The following PTPRF variants were observed in gnomAD, a reference collection of about 807,000 sequenced individuals.
PTPRF encodes receptor-type tyrosine-protein phosphatase F.
PTPRF carries 59 observed loss-of-function variants against 201.8 expected under a neutral mutation model. That is an observed-to-expected ratio of 0.29 (90% CI 0.24 to 0.36). PTPRF has a LOEUF of 0.36. Among genes scored for constraint, PTPRF ranks in the 10% least tolerant of loss-of-function variants. PTPRF has a pLI of 1.00. For missense variants in PTPRF, 2,132 were observed against 2,690.5 expected, an observed-to-expected ratio of 0.79 and a Z score of 4.59; for synonymous variants, 1,088 against 1,089.7, an observed-to-expected ratio of 1.00 and a Z score of 0.03.
chr1:43,522,375 G>T (rs533871039), upstream of PTPRF, among the ~76,000 whole-genome samples: 3 of 152,134 alleles, frequency 2.0e-5, no homozygotes, highest in Admixed American at 1.3e-4. Flanking sequence ...GTGACTGTTC[G>T]TTTTTTCTCC....
intron 6 of PTPRF, among the ~76,000 whole-genome samples, chr1:43,573,324 C>G (rs558084107): frequency 2.0e-5 from 3 of 152,322 alleles, no homozygotes; most frequent in African/African-American, 7.2e-5. Context: ...TCCCGCACTC[C>G]TGCTGTGGCC....
Position 43,613,698 on chromosome 1 carries a change from T to G in PTPRF, c.4054T>G (p.Phe1352Val). 1 of 1,614,022 alleles carries G rather than the reference T, an allele frequency of 6.2e-7. No homozygotes were observed. The highest frequency in any genetic ancestry group is 8.5e-7 in the Non-Finnish European group (1 of 1,179,890). The stretch of plus-strand genomic sequence containing the variant: ...CCTCAAAGCCAACGATGGCCTCAAG[T>G]TCTCCCAGGAGTATGAGGTGAGATG... ...ERLKANDGLK[F>V]SQEYESIDPG... Residue 1352 changes from phenylalanine (F) to valine (V), a missense_variant, in exon 23 of 34, where the codon TTC becomes GTC. Coordinates refer to ENST00000359947, the MANE Select transcript of PTPRF (RefSeq NM_002840.5).
chr1:43,603,378 A>T lies in PTPRF; in HGVS notation c.2341-38A>T. On this transcript the variant is annotated intron_variant, in intron 14 of 33. Coordinates refer to ENST00000359947, the MANE Select transcript of PTPRF (RefSeq NM_002840.5). This position sits in a 1 kb window ranked among gnomAD's most constrained non-coding sequence, Gnocchi z 5.8. ...CTGACAAGGTCTGGCCTCTCCCTGCATTCTTGTGATGGGAACGAACCCCTC... is the reference window on the plus strand; with the variant it reads ...CTGACAAGGTCTGGCCTCTCCCTGCTTTCTTGTGATGGGAACGAACCCCTC... The T allele has an allele frequency of 2.5e-6, 4 of 1,581,956 alleles. No homozygotes were observed. The highest frequency in any genetic ancestry group is 3.5e-6 in the Non-Finnish European group (4 of 1,150,964).
At chr1:43,523,768 C>T (rs1014753516), upstream of PTPRF, among the ~76,000 whole-genome samples, 23 of 151,986 alleles carry the variant, frequency 1.5e-4, 1 homozygote, top group Admixed American at 7.9e-4. Flanking sequence ...AGGCTGGGGC[C>T]GGGCATGGTG....
At chr1:43,565,127 A>G (rs893673853) in intron 5 of PTPRF, among the ~76,000 whole-genome samples, 6 of 151,956 alleles carry the variant, frequency 3.9e-5, no homozygotes, top group South Asian at 2.1e-4. Context: ...TCCCATGCTC[A>G]TGTGTTTCCT....
chr1:43,565,120 C>CA (rs1646068514), intron 5 of PTPRF, among the ~76,000 whole-genome samples: 1 of 152,192 alleles, frequency 6.6e-6, no homozygotes, highest in Non-Finnish European at 1.5e-5. Flanking sequence ...TTCTGCCTCC[C>CA]ATGCTCATGT....
At chr1:43,607,415 TG>T (rs1235323478) in intron 21 of PTPRF, among the ~76,000 whole-genome samples, 1 of 152,176 alleles carries the variant, frequency 6.6e-6, no homozygotes, top group Non-Finnish European at 1.5e-5. Flanking sequence ...CCACAGGCCA[TG>T]GATGCTCACT....
intron 1 of PTPRF, among the ~76,000 whole-genome samples, chr1:43,535,235 A>T (rs547222930): frequency 1.3e-5 from 2 of 152,298 alleles, no homozygotes; most frequent in East Asian, 3.9e-4. Context: ...TGTGTTGCTC[A>T]GGTGTTTGAC....
intron 3 of PTPRF, among the ~76,000 whole-genome samples, chr1:43,552,649 A>G (rs187747070): frequency 1.3e-5 from 2 of 152,258 alleles, no homozygotes; most frequent in East Asian, 3.9e-4. Flanking sequence ...TTAACGAGCT[A>G]TTGCTACAAG....
At chr1:43,620,661 A>G in intron 31 of PTPRF, 82 bp downstream of exon 31, 3 of 1,565,382 alleles carry the variant, frequency 1.9e-6, no homozygotes, top group Non-Finnish European at 2.6e-6. Context: ...ACCTTAGCTC[A>G]AGCTTCAGAA....
intron 6 of PTPRF, among the ~76,000 whole-genome samples, chr1:43,577,943 G>A (rs900218654): frequency 7.2e-5 from 11 of 152,152 alleles, no homozygotes; most frequent in Non-Finnish European, 1.6e-4. Context: ...GTGGGGCCAG[G>A]GGACGGCCAA....
At chr1:43,594,246 T>C (rs1651648693) in intron 11 of PTPRF, among the ~76,000 whole-genome samples, 1 of 718 alleles carries the variant, frequency 1.4e-3, no homozygotes, top group South Asian at 0.022. Context: ...ACCAGTTGGC[T>C]CCCACCCTTC....
rs976033358 is a variant in PTPRF, at chr1:43,546,140, C to T, written c.91+974C>T. Among the ~76,000 whole-genome samples the T allele has an allele frequency of 6.6e-6, 1 of 152,202 alleles. No homozygotes were observed. The highest frequency in any genetic ancestry group is 1.5e-5 in the Non-Finnish European group (1 of 68,026). Reference sequence around the variant, plus strand: ...AGGGCTCCCCCACCTGCCTCCGTATCTCTGGGTACAGATCTCTCCCCTTGC... The same window carrying T: ...AGGGCTCCCCCACCTGCCTCCGTATTTCTGGGTACAGATCTCTCCCCTTGC... On this transcript the variant is annotated intron_variant, in intron 3 of 33. Coordinates refer to ENST00000359947, the MANE Select transcript of PTPRF (RefSeq NM_002840.5). This position sits in a 1 kb window ranked among gnomAD's most constrained non-coding sequence, Gnocchi z 4.2.
chr1:43,599,105 T>TTTTG (rs372529817), intron 13 of PTPRF, among the ~76,000 whole-genome samples, 192 bp downstream of exon 13: 3 of 152,062 alleles, frequency 2.0e-5, no homozygotes, highest in Non-Finnish European at 2.9e-5. Context: ...GGTGTGGGTT[T>TTTTG]TTTGTTTGTT....
intron 1 of PTPRF, among the ~76,000 whole-genome samples, chr1:43,533,818 A>T (rs1317620618): frequency 6.6e-6 from 1 of 152,168 alleles, no homozygotes; most frequent in Non-Finnish European, 1.5e-5. Flanking sequence ...ATGGGATTGC[A>T]AAAGCAATTC....
rs921513300 is a variant in PTPRF at position 43,603,853 on chromosome 1, G to A, written c.2701G>A (p.Gly901Ser). 27 of 1,614,014 alleles carry A rather than the reference G, an allele frequency of 1.7e-5. No individual in the cohort carries two copies. Among genetic ancestry groups the A allele is most frequent in the Non-Finnish European group, 2.3e-5 (27 of 1,180,052 alleles). The change falls in exon 16 of 34, where the codon GGT becomes AGT. Residue 901 changes from glycine to serine, a missense_variant. This residue lies in a region of PTPRF where 818 missense variants were observed against 915.3 expected (regional missense o/e 0.89). Coordinates refer to ENST00000359947, the MANE Select transcript of PTPRF (RefSeq NM_002840.5). This position sits in a 1 kb window ranked among gnomAD's most constrained non-coding sequence, Gnocchi z 5.8. ...TGCTGCCAAGAACCGGGCTGGCTTG[G>A]GTGAGGAGTTCGAGAAGGAGATCAG... ...RLAAKNRAGL[G>S]EEFEKEIRTP...
At chr1:43,524,004 A>C (rs1178252048), upstream of PTPRF, among the ~76,000 whole-genome samples, 1 of 138,088 alleles carries the variant, frequency 7.2e-6, no homozygotes, top group Non-Finnish European at 1.5e-5. Flanking sequence ...TGGAGGTTGC[A>C]GTGAGCCGAG....
At chr1:43,585,723 G>A (rs762683328) in intron 7 of PTPRF, among the ~76,000 whole-genome samples, 1 of 152,200 alleles carries the variant, frequency 6.6e-6, no homozygotes, top group Non-Finnish European at 1.5e-5. Context: ...CCGCCTTTTG[G>A]CCTGAAGACC....
chr1:43,619,244 G>A, intron 27 of PTPRF, 42 bp downstream of exon 27: 1 of 563,408 alleles, frequency 1.8e-6, no homozygotes. Flanking sequence ...GGTGGGGTGG[G>A]AGGTGGGGGC....
Sources: gnomAD v4.1 joint callset for allele counts (sites outside exome capture counted in the v4.1 genomes callset) on GRCh38, gnomAD v4.1.1 for gene constraint, gnomAD v4.1.1 regional missense constraint, Gnocchi (gnomAD v3.1) non-coding constraint, MANE v1.5 for transcripts, NCBI Gene and HGNC (gene_info 2026-07-23, HGNC 2026-07-21) for gene names.